BCL3: variants seen among roughly 807,000 people sequenced by gnomAD.
BCL3 encodes B-cell lymphoma 3 protein.
Under a neutral mutation model 35.7 loss-of-function variants are expected in BCL3, and 15 were observed. The observed-to-expected ratio is 0.42, with a 90% CI of 0.28 to 0.65. BCL3 has a LOEUF of 0.65. BCL3 is among the 30% of genes least tolerant of loss of function. The pLI is 0.22. For synonymous variants in BCL3, 311 were observed against 284.3 expected, an observed-to-expected ratio of 1.09 and a Z score of -0.95; for missense variants, 565 against 641.7, an observed-to-expected ratio of 0.88 and a Z score of 1.29.
chr19:44,751,240 T>A lies in BCL3; in HGVS notation c.270T>A (p.Pro90=). Residue 90 remains proline (P), a synonymous_variant, in exon 2 of 9, where the codon CCT becomes CCA. Coordinates refer to ENST00000164227, the MANE Select transcript of BCL3 (RefSeq NM_005178.5). ...TCCATTGTCCAGGAGCCTTACTGCC[T>A]TTGTACCCCACTCGGGCCATGGGCT... ...EALYYPGALL[P]LYPTRAMGSP... 6.2e-7 allele frequency: 1 copy of A among 1,611,064 alleles called. No individual in the cohort carries two copies.
At chr19:44,747,939 C>G (rs1263422658), upstream of BCL3, 36 of 1,219,326 alleles carry the variant, frequency 3.0e-5, no homozygotes, top group South Asian at 4.9e-4. Context: ...CCACCCTCAC[C>G]CCACCCCCAG....
At chr19:44,748,113 C>T (rs1201226996), upstream of BCL3, 3 of 1,317,610 alleles carry the variant, frequency 2.3e-6, no homozygotes, top group African/African-American at 4.5e-5. Context: ...AGTGTTTGGC[C>T]AAGGTCACCC....
chr19:44,757,959 G>A lies in BCL3; in HGVS notation c.891+236G>A, dbSNP rs1326333042. On this transcript the variant is annotated intron_variant, in intron 6 of 8. Coordinates refer to ENST00000164227, the MANE Select transcript of BCL3 (RefSeq NM_005178.5). This position sits in a 1 kb window ranked among gnomAD's most constrained non-coding sequence, Gnocchi z 8.4. ...ACGGCCTAGGCCCCGCCCTGCGATG[G>A]CCTGGCTGACCCCGCCTTCCAGCTA... Among the ~76,000 whole-genome samples the A allele has an allele frequency of 6.6e-6, 1 of 152,074 alleles. No homozygotes were observed. Among genetic ancestry groups the A allele is most frequent in the African/African-American group, 2.4e-5 (1 of 41,400 alleles).
At chr19:44,750,766 G>A (rs781355907) in intron 1 of BCL3, among the ~76,000 whole-genome samples, 7 of 152,124 alleles carry the variant, frequency 4.6e-5, no homozygotes, top group Admixed American at 1.3e-4. Context: ...CTGGGCAACA[G>A]AGCGAGACTA....
chr19:44,747,802 G>C (rs1256006798), upstream of BCL3: 2 of 1,088,132 alleles, frequency 1.8e-6, no homozygotes, highest in African/African-American at 3.3e-5. Context: ...AGATCTCTGC[G>C]CCTGTCTCCA....
Position 44,757,066 on chromosome 19 carries a change from T to C in BCL3, c.569T>C (p.Leu190Pro). 1.2e-6 allele frequency: 2 copies of C among 1,611,054 alleles called. No homozygotes were observed. The highest frequency in any genetic ancestry group is 2.7e-5 in the African/African-American group (2 of 74,952). Residue 190 changes from leucine to proline, a missense_variant, in exon 4 of 9, where the codon CTC (leucine) becomes CCC (proline). Leu to Pro is a moderately conservative substitution (Grantham distance 98, BLOSUM62 -3). This residue lies in a region of BCL3 where 267 missense variants were observed against 281.5 expected (regional missense o/e 0.95). Coordinates refer to ENST00000164227, the MANE Select transcript of BCL3 (RefSeq NM_005178.5). The surrounding 1 kb of genome is among the most constrained non-coding windows in gnomAD (Gnocchi z 8.4). ...VITTLPSVVR[L>P]LVTAGASPMA... Reference sequence around the variant, plus strand: ...ACCACATTACCGTCTGTGGTCCGGCTCCTGGTGACAGCTGGTGCCAGCCCC... The same window carrying C: ...ACCACATTACCGTCTGTGGTCCGGCCCCTGGTGACAGCTGGTGCCAGCCCC...
rs1234832419 is a variant in BCL3 at position 44,757,307 on chromosome 19, C to T, written c.725-20C>T. ...CGCAAAGCCCGGGCCTAGGTTTCACCGAGCCCTCCTCTCCCTCAGGGCTCA... is the reference window on the plus strand; with the variant it reads ...CGCAAAGCCCGGGCCTAGGTTTCACTGAGCCCTCCTCTCCCTCAGGGCTCA... On this transcript the variant is annotated intron_variant, in intron 4 of 8. Transcript: ENST00000164227. This position sits in a 1 kb window ranked among gnomAD's most constrained non-coding sequence, Gnocchi z 8.4. The T allele has an allele frequency of 1.9e-6, 3 of 1,587,868 alleles. No individual in the cohort carries two copies. The highest frequency in any genetic ancestry group is 2.6e-6 in the Non-Finnish European group (3 of 1,167,092).
upstream of BCL3, chr19:44,748,000 AGGGGAG>A (rs1239033968): frequency 7.6e-7 from 1 of 1,322,288 alleles, no homozygotes; most frequent in Non-Finnish European, 9.9e-7. Context: ...GAGATGGAAG[AGGGGAG>A]GGAGAGGAAT....
intron 2 of BCL3, among the ~76,000 whole-genome samples, chr19:44,751,910 C>G (rs1967187659): frequency 6.6e-6 from 1 of 151,950 alleles, no homozygotes; most frequent in African/African-American, 2.4e-5. Flanking sequence ...CCCTAGAACA[C>G]TATTTTTGGA....
chr19:44,756,103 G>A, intron 2 of BCL3, 129 bp from the exon 3 acceptor site: 2 of 559,890 alleles, frequency 3.6e-6, no homozygotes, highest in South Asian at 4.9e-5. Flanking sequence ...GAGTGGGTGG[G>A]GAGAAGTGTT....
chr19:44,752,078 G>GCACACA (rs3138632), intron 2 of BCL3, among the ~76,000 whole-genome samples: 30 of 146,010 alleles, frequency 2.1e-4, no homozygotes, highest in Non-Finnish European at 3.2e-4. Context: ...CTCAAACCCA[G>GCACACA]CACACACACA....
Position 44,748,807 on chromosome 19 carries a change from C to T in BCL3, c.17C>T (p.Ala6Val). Residue 6 changes from alanine to valine, a missense_variant, in exon 1 of 9, where the codon GCG becomes GTG. Physicochemically the swap from Ala to Val is moderately conservative, Grantham distance 64. This residue lies in a region of BCL3 where 267 missense variants were observed against 281.5 expected (regional missense o/e 0.95). Coordinates refer to ENST00000164227, the MANE Select transcript of BCL3 (RefSeq NM_005178.5). MPRCP[A>V]GAMDEGPVDL... ...GGCGGCCCCATGCCCCGATGCCCCG[C>T]GGGGGCCATGGACGAGGGGCCCGTG... 9.0e-7 allele frequency: 1 copy of T among 1,107,928 alleles called. No individual in the cohort carries two copies. The highest frequency in any genetic ancestry group is 1.1e-6 in the Non-Finnish European group (1 of 909,282). 68.6% of individuals were successfully genotyped at this position (1,107,928 alleles called of 1,614,324 possible).
chr19:44,751,760 C>G (rs1967184686), intron 2 of BCL3, among the ~76,000 whole-genome samples: 1 of 152,124 alleles, frequency 6.6e-6, no homozygotes, highest in Admixed American at 6.5e-5. Flanking sequence ...CACTGCCAAG[C>G]CTGGCTAATT....
intron 2 of BCL3, 81 bp from the exon 3 acceptor site, chr19:44,756,151 G>A (rs1967274506): frequency 1.0e-6 from 1 of 959,016 alleles, no homozygotes; most frequent in Non-Finnish European, 1.4e-6. Flanking sequence ...TCAACACATT[G>A]GAGTTAGCAT....
chr19:44,758,311 C>T lies in BCL3; in HGVS notation c.957C>T (p.Arg319=). ...GSSALHSASG[R]GLLPLVRTLV... is the part of the protein sequence containing the mutation. ...CCGCCCTGCACTCAGCGTCCGGCCG[C>T]GGGCTCCTCCCGCTGGTGCGCACGC... The change falls in exon 7 of 9, where the codon CGC becomes CGT. Residue 319 remains arginine (R), a synonymous_variant. Coordinates refer to ENST00000164227, the MANE Select transcript of BCL3 (RefSeq NM_005178.5). 6.4e-7 allele frequency: 1 copy of T among 1,569,436 alleles called. No homozygotes were observed. The highest frequency in any genetic ancestry group is 8.6e-7 in the Non-Finnish European group (1 of 1,166,454).
rs1428925008 is a variant in BCL3, at chr19:44,757,893, C to T, written c.891+170C>T. On this transcript the variant is annotated intron_variant, in intron 6 of 8. Coordinates refer to ENST00000164227, the MANE Select transcript of BCL3 (RefSeq NM_005178.5). This position sits in a 1 kb window ranked among gnomAD's most constrained non-coding sequence, Gnocchi z 8.4. ...TTTTCTCGACCCTCGGGCTCCACGCCCCTGGCTACGAACTTGTCCCATTCC... is the reference window on the plus strand; with the variant it reads ...TTTTCTCGACCCTCGGGCTCCACGCTCCTGGCTACGAACTTGTCCCATTCC... Among the ~76,000 whole-genome samples, 2 of 152,158 alleles carry T rather than the reference C, an allele frequency of 1.3e-5. No homozygotes were observed. Among genetic ancestry groups the T allele is most frequent in the African/African-American group, 4.8e-5 (2 of 41,438 alleles).
At position 44,759,500 on chromosome 19, in the gene BCL3, C is replaced by G; in HGVS notation, c.1250C>G (p.Ala417Gly). The change falls in exon 9 of 9, where the codon GCT becomes GGT. Residue 417 changes from alanine to glycine, a missense_variant. Transcript: ENST00000164227. ...PPRDPPGFPM[A>G]PPNFFLPSPS... ...AGGGACCCCCCTGGATTCCCCATGG[C>G]TCCTCCCAATTTCTTCCTTCCTTCC... 1 of 1,613,050 alleles carries G rather than the reference C, an allele frequency of 6.2e-7. No homozygotes were observed. The highest frequency in any genetic ancestry group is 2.2e-5 in the East Asian group (1 of 44,720).
At chr19:44,748,573 C>T (rs1967111015), upstream of BCL3, 3 of 420,532 alleles carry the variant, frequency 7.1e-6, no homozygotes, top group South Asian at 3.0e-4. Context: ...CAGGCTGCAC[C>T]TCAGAGCGGC....
upstream of BCL3, chr19:44,747,856 C>T (rs1411581008): frequency 6.9e-6 from 8 of 1,152,814 alleles, no homozygotes; most frequent in Admixed American, 4.4e-5. Context: ...GAGCACCCAC[C>T]CCGGTGCCCC....
Sources: allele counts gnomAD v4.1 joint callset (sites outside exome capture counted in the v4.1 genomes callset), GRCh38; gene constraint gnomAD v4.1.1; regional missense constraint gnomAD v4.1.1; non-coding constraint Gnocchi (gnomAD v3.1); transcripts MANE v1.5; gene names NCBI Gene and HGNC (gene_info 2026-07-23, HGNC 2026-07-21).